Variants in DNER observed in about 807,000 individuals in gnomAD.
The protein encoded by DNER is delta and Notch-like epidermal growth factor-related receptor.
A neutral mutation model predicts 78.2 loss-of-function variants in DNER; 33 were observed. The observed-to-expected ratio is 0.42, with a 90% CI of 0.32 to 0.56. DNER has a LOEUF of 0.56. Among genes scored for constraint, DNER ranks in the 20% least tolerant of loss-of-function variants. The probability of loss-of-function intolerance (pLI) is 0.11; values close to 1 mark genes in which losing one functional copy is unlikely to be tolerated. For synonymous variants in DNER, 417 were observed against 384.8 expected, an observed-to-expected ratio of 1.08 and a Z score of -0.98; for missense variants, 918 against 975.3, an observed-to-expected ratio of 0.94 and a Z score of 0.78.
At chr2:229,584,567 T>C (rs1195691885) in intron 4 of DNER, among the ~76,000 whole-genome samples, 2 of 152,078 alleles carry the variant, frequency 1.3e-5, no homozygotes, top group African/African-American at 4.8e-5. Flanking sequence ...ACTGTCCAAG[T>C]GTCCAAGCAA....
At chr2:229,622,404 G>C (rs72991671) in intron 1 of DNER, among the ~76,000 whole-genome samples, 3,240 of 152,236 alleles carry the variant, frequency 0.021, 45 homozygotes, top group Middle Eastern at 0.034. Context: ...AATAGCTGAA[G>C]CTTTGTCCCC....
At chr2:229,419,252 G>A (rs1482244198) in intron 8 of DNER, among the ~76,000 whole-genome samples, 1 of 152,158 alleles carries the variant, frequency 6.6e-6, no homozygotes, top group Non-Finnish European at 1.5e-5. Flanking sequence ...AACATTCTTT[G>A]AGATTCATTC....
intron 10 of DNER, among the ~76,000 whole-genome samples, chr2:229,405,327 T>G (rs1693356933): frequency 6.6e-6 from 1 of 152,246 alleles, no homozygotes; most frequent in South Asian, 2.1e-4. Flanking sequence ...AATGTTTGTT[T>G]GTTTTTTCTC....
At chr2:229,531,757 C>T (rs932290874) in intron 5 of DNER, among the ~76,000 whole-genome samples, 129 of 152,274 alleles carry the variant, frequency 8.5e-4, no homozygotes, top group African/African-American at 2.9e-3. Flanking sequence ...TAGAAACAAC[C>T]CAAATGTCTA....
chr2:229,538,062 TA>T (rs1190516497), intron 5 of DNER, among the ~76,000 whole-genome samples: 1 of 151,928 alleles, frequency 6.6e-6, no homozygotes, highest in Non-Finnish European at 1.5e-5. Context: ...CTTTACTCGT[TA>T]AAAAAAAGCA....
chr2:229,410,097 C>T (rs1693477155), intron 9 of DNER, among the ~76,000 whole-genome samples: 1 of 152,142 alleles, frequency 6.6e-6, no homozygotes, highest in East Asian at 1.9e-4. Flanking sequence ...TGAGGAGTCA[C>T]CTTCTTTCAC....
chr2:229,594,952 T>TAAAAAAAAAAAAAAA (rs200824543), intron 1 of DNER, among the ~76,000 whole-genome samples: 2 of 102,692 alleles, frequency 1.9e-5, no homozygotes, highest in Admixed American at 1.0e-4. Flanking sequence ...AAATGCTGTT[T>TAAAAAAAAAAAAAAA]AAAAAAAAAA....
At chr2:229,684,232 G>A (rs1191267800) in intron 1 of DNER, among the ~76,000 whole-genome samples, 1 of 149,786 alleles carries the variant, frequency 6.7e-6, no homozygotes, top group Non-Finnish European at 1.5e-5. Flanking sequence ...GAAAGGCACA[G>A]TGTCAGGCAG....
At chr2:229,589,909 C>CAAA (rs34805706) in intron 2 of DNER, among the ~76,000 whole-genome samples, 5 of 137,412 alleles carry the variant, frequency 3.6e-5, no homozygotes, top group Admixed American at 7.3e-5. Context: ...TGTGGTAATA[C>CAAA]AAAAAAAAAA....
chr2:229,383,284 A>G (rs527237895), intron 11 of DNER, among the ~76,000 whole-genome samples: 2 of 152,246 alleles, frequency 1.3e-5, no homozygotes, highest in Non-Finnish European at 2.9e-5. Context: ...GAAAGGAAAA[A>G]CCAGTACCAG....
intron 8 of DNER, 126 bp downstream of exon 8, chr2:229,447,190 A>G: frequency 1.1e-6 from 1 of 900,680 alleles, no homozygotes; most frequent in Non-Finnish European, 1.7e-6. Flanking sequence ...CTTACTTACA[A>G]GCATACCAGT....
chr2:229,466,803 C>A (rs983582111), intron 7 of DNER, among the ~76,000 whole-genome samples: 1 of 152,130 alleles, frequency 6.6e-6, no homozygotes, highest in Admixed American at 6.5e-5. Context: ...GCACACTGTT[C>A]AGTTAAAGAC....
intron 1 of DNER, among the ~76,000 whole-genome samples, chr2:229,691,271 C>T (rs1406667108): frequency 1.3e-5 from 2 of 152,144 alleles, no homozygotes; most frequent in African/African-American, 4.8e-5. Context: ...GTATTTTATG[C>T]AGTTTGATGA....
chr2:229,714,218 T>C lies in DNER; in HGVS notation c.206A>G (p.His69Arg), dbSNP rs1350473741. 7.2e-7 allele frequency: 1 copy of C among 1,391,680 alleles called. No homozygotes were observed. The highest frequency in any genetic ancestry group is 3.1e-5 in the Admixed American group (1 of 32,504). The allele number at this position is 1,391,680 out of a possible 1,614,324, so 86.2% of individuals were successfully genotyped here. A position where few individuals can be genotyped will look rare whatever the true frequency, so the allele number is the denominator to read the frequency against. Residue 69 changes from histidine (H) to arginine (R), a missense_variant, in exon 1 of 13, where the codon CAC (histidine) becomes CGC (arginine). Coordinates refer to ENST00000341772, the MANE Select transcript of DNER (RefSeq NM_139072.4). The stretch of plus-strand genomic sequence containing the variant: ...GCCAGGCTCGCCGGCGGGGGCCGGG[T>C]GCTGCGGGTCCGGCTCAGGGCGCGA... ...CTSRPEPDPQ[H>R]PAPAGEPGYS...
chr2:229,623,397 C>G (rs1698284567), intron 1 of DNER, among the ~76,000 whole-genome samples: 1 of 152,160 alleles, frequency 6.6e-6, no homozygotes, highest in South Asian at 2.1e-4. Context: ...CCTGCTCCCC[C>G]TCCCATCAGC....
rs534543371 is a variant in DNER, at chr2:229,643,250, T to C, written c.277-51362A>G. ...TAATAATAATAAGGAATTTGAATAG[T>C]GTAGTGGTCTCAGGAGGTACTACCT... On this transcript the variant is annotated intron_variant, in intron 1 of 12. Transcript: ENST00000341772. Among the ~76,000 whole-genome samples, 16 of 152,238 alleles carry C rather than the reference T, an allele frequency of 1.1e-4. No individual in the cohort carries two copies. In the South Asian group the frequency reaches 2.9e-3, roughly 28 times the overall value.
chr2:229,466,453 A>G (rs1694807813), intron 7 of DNER, among the ~76,000 whole-genome samples: 2 of 152,094 alleles, frequency 1.3e-5, no homozygotes, highest in African/African-American at 4.8e-5. Flanking sequence ...CTTCCCTTGG[A>G]ACACTTCCTG....
At position 229,591,127 on chromosome 2, in the gene DNER, C is replaced by T. The variant is rs1697599082; in HGVS notation, c.585+453G>A. On this transcript the variant is annotated intron_variant, in intron 2 of 12. Coordinates refer to ENST00000341772, the MANE Select transcript of DNER (RefSeq NM_139072.4). The surrounding 1 kb of genome is among the most constrained non-coding windows in gnomAD (Gnocchi z 4.6). ...AAACTTCTTTTCTCTATAAATTGCCCAGCCTCATGTATTTCTTCATAACCA... is the reference window on the plus strand; with the variant it reads ...AAACTTCTTTTCTCTATAAATTGCCTAGCCTCATGTATTTCTTCATAACCA... Among the ~76,000 whole-genome samples the T allele has an allele frequency of 6.6e-6, 1 of 152,202 alleles. No homozygotes were observed. Among genetic ancestry groups the T allele is most frequent in the Admixed American group, 6.5e-5 (1 of 15,274 alleles).
chr2:229,447,059 G>C (rs1474334676), intron 8 of DNER, among the ~76,000 whole-genome samples: 1 of 152,118 alleles, frequency 6.6e-6, no homozygotes, highest in Non-Finnish European at 1.5e-5. Flanking sequence ...CAATGAATGT[G>C]AGTTGATCAT....
Sources: allele counts gnomAD v4.1 joint callset (sites outside exome capture counted in the v4.1 genomes callset), GRCh38; gene constraint gnomAD v4.1.1; non-coding constraint Gnocchi (gnomAD v3.1); transcripts MANE v1.5; gene names NCBI Gene and HGNC (gene_info 2026-07-23, HGNC 2026-07-21).